FXN: variants seen among roughly 807,000 people sequenced by gnomAD.
FXN encodes frataxin, also known as frataxin, mitochondrial.
In FXN, 14 loss-of-function variants were observed where a neutral mutation model predicts 22.4. The observed-to-expected ratio is 0.62, with a 90% CI of 0.41 to 0.98. The LOEUF is 0.98. FXN is among the 50% of genes least tolerant of loss of function. The pLI, the probability that FXN is intolerant of heterozygous loss-of-function variation, is 0.00. For synonymous variants in FXN, 120 were observed against 114.1 expected, an observed-to-expected ratio of 1.05 and a Z score of -0.33; for missense variants, 267 against 268.4, an observed-to-expected ratio of 0.99 and a Z score of 0.04.
In FXN at chr9:69,046,408, C is replaced by T; in HGVS notation, c.189C>T (p.Asn63=). ...RRASSNQRGL[N]QIWNVKKQSV... Reference sequence around the variant, plus strand: ...AGAGTTCGAACCAACGTGGCCTCAACCAGATTTGGAATGTCAAAAAGCAGA... The same window carrying T: ...AGAGTTCGAACCAACGTGGCCTCAATCAGATTTGGAATGTCAAAAAGCAGA... The change falls in exon 2 of 5, where the codon AAC becomes AAT. Residue 63 remains asparagine, a synonymous_variant. Transcript: ENST00000484259. The T allele has an allele frequency of 6.2e-7, 1 of 1,614,082 alleles. No homozygotes were observed. The highest frequency in any genetic ancestry group is 8.5e-7 in the Non-Finnish European group (1 of 1,179,976).
rs1487152404 is a variant in FXN at position 69,075,974 on chromosome 9, G to A, written c.*3212G>A. Reference sequence around the variant, plus strand: ...CCTGCCTCGTCCTCCCAAGATGCTGGGATTACAGGTGTGTGCCACAGGTGT... The same window carrying A: ...CCTGCCTCGTCCTCCCAAGATGCTGAGATTACAGGTGTGTGCCACAGGTGT... On this transcript the variant is annotated 3_prime_UTR_variant, in exon 5 of 5. Transcript: ENST00000484259. 6.2e-6 allele frequency: 6 copies of A among 970,810 alleles called. No homozygotes were observed. Among genetic ancestry groups the A allele is most frequent in the Non-Finnish European group, 7.3e-6 (6 of 816,856 alleles). The allele number at this position is 970,810 out of a possible 1,614,324, so 60.1% of individuals were successfully genotyped here. A position where few individuals can be genotyped will look rare whatever the true frequency, so the allele number is the denominator to read the frequency against.
At position 69,039,401 on chromosome 9, in the gene FXN, A is replaced by G. The variant is rs115111441; in HGVS notation, c.165+3454A>G. Among the ~76,000 whole-genome samples, 132 of 152,322 alleles carry G rather than the reference A, an allele frequency of 8.7e-4. 1 individual carries two copies. Among genetic ancestry groups the G allele is most frequent in the African/African-American group, 3.1e-3 (130 of 41,574 alleles). On this transcript the variant is annotated intron_variant, in intron 1 of 4. Coordinates refer to ENST00000484259, the MANE Select transcript of FXN (RefSeq NM_000144.5). The stretch of plus-strand genomic sequence containing the variant: ...AGCCACGGGGGCTGGTGACCACCAC[A>G]TGGGACAGCATATTTAGTACCTGAT...
intron 2 of FXN, among the ~76,000 whole-genome samples, chr9:69,048,547 G>A (rs2133105035): frequency 6.6e-6 from 1 of 152,194 alleles, no homozygotes; most frequent in East Asian, 1.9e-4. Context: ...GGAGGCTGCA[G>A]TGAGCTGAGA....
In FXN at chr9:69,075,608, A is replaced by G. The variant is rs1832351746; in HGVS notation, c.*2846A>G. 1.0e-6 allele frequency: 1 copy of G among 985,332 alleles called. No individual in the cohort carries two copies. Among genetic ancestry groups the G allele is most frequent in the African/African-American group, 1.7e-5 (1 of 57,334 alleles). The allele number at this position is 985,332 out of a possible 1,614,324, so 61.0% of individuals were successfully genotyped here. A position where few individuals can be genotyped will look rare whatever the true frequency, so the allele number is the denominator to read the frequency against. On this transcript the variant is annotated 3_prime_UTR_variant, in exon 5 of 5. Transcript: ENST00000484259. ...CCACAGACCCTGGGAGCATCGCCTC[A>G]TTTATGGTGTGGTCCAGTCATCCAT... is the stretch of plus-strand genomic sequence containing the variant.
chr9:69,035,964 G>C lies in FXN; in HGVS notation c.165+17G>C. On this transcript the variant is annotated intron_variant, in intron 1 of 4. Coordinates refer to ENST00000484259, the MANE Select transcript of FXN (RefSeq NM_000144.5). ...CGCCGCGCAGTAAGTATCCGCGCCG[G>C]GAACAGCCGCGGGCCGCACGCCGCG... 6.9e-7 allele frequency: 1 copy of C among 1,453,222 alleles called. No homozygotes were observed. The highest frequency in any genetic ancestry group is 9.0e-7 in the Non-Finnish European group (1 of 1,106,806). The allele number at this position is 1,453,222 out of a possible 1,614,324, so 90.0% of individuals were successfully genotyped here. A position where few individuals can be genotyped will look rare whatever the true frequency, so the allele number is the denominator to read the frequency against.
intron 1 of FXN, among the ~76,000 whole-genome samples, chr9:69,039,177 C>T (rs555709887): frequency 6.6e-6 from 1 of 151,130 alleles, no homozygotes; most frequent in South Asian, 2.1e-4. Context: ...TGCTTGAACC[C>T]GGGAGGTGGT....
rs901802845 is a variant in FXN at position 69,076,347 on chromosome 9, T to C, written c.*3585T>C. On this transcript the variant is annotated 3_prime_UTR_variant, in exon 5 of 5. Coordinates refer to ENST00000484259, the MANE Select transcript of FXN (RefSeq NM_000144.5). ...TGTTGTTCTCACATGCATAGCATAATTTCATATTCACATTGGAGGACTTCT... is the reference window on the plus strand; with the variant it reads ...TGTTGTTCTCACATGCATAGCATAACTTCATATTCACATTGGAGGACTTCT... The C allele has an allele frequency of 6.1e-6, 6 of 985,368 alleles. No homozygotes were observed. Among genetic ancestry groups the C allele is most frequent in the Non-Finnish European group, 7.2e-6 (6 of 829,908 alleles). The allele number at this position is 985,368 out of a possible 1,614,324, so 61.0% of individuals were successfully genotyped here.
In FXN at chr9:69,052,248, G is replaced by T. The variant is rs190844766; in HGVS notation, c.264-892G>T. On this transcript the variant is annotated intron_variant, in intron 2 of 4. Transcript: ENST00000484259. ...AGCTCATTGCAACCTCCACCTCCGG[G>T]GTTTCAGTGATTCTCCTGTCTCAGC... is the stretch of plus-strand genomic sequence containing the variant. Among the ~76,000 whole-genome samples, 302 of 151,894 alleles carry T rather than the reference G, an allele frequency of 2.0e-3. 4 individuals are homozygous for T. Among genetic ancestry groups the T allele is most frequent in the African/African-American group, 6.6e-3 (272 of 41,428 alleles).
In FXN at chr9:69,053,025, T is replaced by A. The variant is rs534853635; in HGVS notation, c.264-115T>A. ...AAAAAAAGAAAGAAAAACTTTTACT[T>A]TTTACATGTTATTTTCATCAATTTA... is the stretch of plus-strand genomic sequence containing the variant. On this transcript the variant is annotated intron_variant, in intron 2 of 4. Coordinates refer to ENST00000484259, the MANE Select transcript of FXN (RefSeq NM_000144.5). 1.2e-4 allele frequency: 141 copies of A among 1,206,418 alleles called. 1 individual carries two copies. The South Asian group carries it at 1.9e-3, about 17-fold the overall frequency. The allele number at this position is 1,206,418 out of a possible 1,614,324, so 74.7% of individuals were successfully genotyped here. A position where few individuals can be genotyped will look rare whatever the true frequency, so the allele number is the denominator to read the frequency against.
At chr9:69,048,371 G>A (rs759040045) in intron 2 of FXN, among the ~76,000 whole-genome samples, 2 of 152,116 alleles carry the variant, frequency 1.3e-5, no homozygotes, top group Non-Finnish European at 2.9e-5. Context: ...TTGGGAGGCC[G>A]AGGTGAGCAG....
At chr9:69,051,651 G>A (rs1291578560) in intron 2 of FXN, among the ~76,000 whole-genome samples, 4 of 152,092 alleles carry the variant, frequency 2.6e-5, no homozygotes, top group African/African-American at 9.7e-5. Flanking sequence ...GCTTGGTTCT[G>A]AGACAGTGAA....
chr9:69,070,254 G>T (rs1832250238), intron 4 of FXN, among the ~76,000 whole-genome samples: 1 of 151,940 alleles, frequency 6.6e-6, no homozygotes. Flanking sequence ...AAAGAAAACG[G>T]CCCAGGAAGG....
At chr9:69,066,253 G>T (rs551580438) in intron 4 of FXN, among the ~76,000 whole-genome samples, 1 of 152,198 alleles carries the variant, frequency 6.6e-6, no homozygotes, top group East Asian at 1.9e-4. Context: ...TTCTTTGAAA[G>T]ACTAACGGTA....
Position 69,072,718 on chromosome 9 carries a change from A to C in FXN, c.589A>C (p.Lys197Gln). The change falls in exon 5 of 5, where the codon AAA becomes CAA. Residue 197 changes from lysine (K) to glutamine (Q), a missense_variant. Lys to Gln is a moderately conservative substitution (Grantham distance 53, BLOSUM62 1). Transcript: ENST00000484259. ...AAELTKALKTKLDLSSLAYSG... is the reference protein window; with the variant it reads ...AAELTKALKTQLDLSSLAYSG... ...AGAGCTCACTAAAGCCTTAAAAACC[A>C]AACTGGACTTGTCTTCCTTGGCCTA... is the stretch of plus-strand genomic sequence containing the variant. 6.2e-7 allele frequency: 1 copy of C among 1,614,210 alleles called. No homozygotes were observed. Among genetic ancestry groups the C allele is most frequent in the Non-Finnish European group, 8.5e-7 (1 of 1,180,044 alleles).
At chr9:69,045,728 A>G (rs1265828237) in intron 1 of FXN, among the ~76,000 whole-genome samples, 1 of 152,190 alleles carries the variant, frequency 6.6e-6, no homozygotes, top group Non-Finnish European at 1.5e-5. Context: ...ATTTACTCCG[A>G]AACTAGCTTG....
At chr9:69,063,293 G>C (rs1832108265) in intron 3 of FXN, among the ~76,000 whole-genome samples, 1 of 152,152 alleles carries the variant, frequency 6.6e-6, no homozygotes. Flanking sequence ...CTTATAGAAA[G>C]AACAGTGTCT....
chr9:69,049,931 T>C (rs1366978169), intron 2 of FXN, among the ~76,000 whole-genome samples: 1 of 152,196 alleles, frequency 6.6e-6, no homozygotes, highest in Non-Finnish European at 1.5e-5. Flanking sequence ...CTTGATGAAT[T>C]TGTAAAAATT....
At chr9:69,037,284 A>AAAAG (rs544093183) in intron 1 of FXN, among the ~76,000 whole-genome samples, 4 of 78,060 alleles carry the variant, frequency 5.1e-5, no homozygotes, top group Admixed American at 1.5e-4. Flanking sequence ...AAAAAAAAAA[A>AAAAG]AAGAAGAAGA....
chr9:69,035,961 C>A lies in FXN; in HGVS notation c.165+14C>A. ...CCCCGCCGCGCAGTAAGTATCCGCG[C>A]CGGGAACAGCCGCGGGCCGCACGCC... is the stretch of plus-strand genomic sequence containing the variant. On this transcript the variant is annotated intron_variant, in intron 1 of 4. Transcript: ENST00000484259. The A allele has an allele frequency of 6.9e-7, 1 of 1,454,020 alleles. No individual in the cohort carries two copies. The highest frequency in any genetic ancestry group is 9.0e-7 in the Non-Finnish European group (1 of 1,107,262). 90.1% of individuals were successfully genotyped at this position (1,454,020 alleles called of 1,614,324 possible).
Sources: allele counts gnomAD v4.1 joint callset (sites outside exome capture counted in the v4.1 genomes callset), GRCh38; gene constraint gnomAD v4.1.1; transcripts MANE v1.5; gene names NCBI Gene and HGNC (gene_info 2026-07-23, HGNC 2026-07-21).